NOL10: variants seen among roughly 807,000 people sequenced by gnomAD.
The protein encoded by NOL10 is nucleolar protein 10, also known as H_NH0074G24.1.
A neutral mutation model predicts 103.5 loss-of-function variants in NOL10; 58 were observed. That is an observed-to-expected ratio of 0.56 (90% CI 0.45 to 0.70). The LOEUF is 0.70. Among genes scored for constraint, NOL10 ranks in the 30% least tolerant of loss-of-function variants. The pLI is 0.00. For missense variants in NOL10, 763 were observed against 807.3 expected (o/e 0.95, Z 0.67); for synonymous variants, 287 against 282.5 (o/e 1.02, Z -0.16).
At chr2:10,667,620 C>CTA (rs1558339488) in intron 7 of NOL10, among the ~76,000 whole-genome samples, 2 of 152,324 alleles carry the variant, frequency 1.3e-5, no homozygotes, top group African/African-American at 4.8e-5. Flanking sequence ...AAAGAACACA[C>CTA]GCTATCACCA....
At chr2:10,619,045 A>G (rs1461029438) in intron 13 of NOL10, among the ~76,000 whole-genome samples, 1 of 152,264 alleles carries the variant, frequency 6.6e-6, no homozygotes, top group Non-Finnish European at 1.5e-5. Context: ...CAGGATTCAG[A>G]ACATGCAAGC....
chr2:10,659,639 T>C (rs1025703945), intron 9 of NOL10, among the ~76,000 whole-genome samples: 1 of 152,146 alleles, frequency 6.6e-6, no homozygotes, highest in Admixed American at 6.5e-5. Flanking sequence ...GCTGTGATCA[T>C]TCCACTGCGC....
chr2:10,577,489 T>A lies in NOL10; in HGVS notation c.1947+147A>T, dbSNP rs1166764790. On this transcript the variant is annotated intron_variant, in intron 20 of 20. Transcript: ENST00000381685. ...GCTCTTGGCCCACCAGGGGCTCTGG[T>A]TGCAAGGAAAATGTTAGAACAGGGA... 1.5e-5 allele frequency: 9 copies of A among 606,902 alleles called. No individual in the cohort carries two copies. The Admixed American group carries it at 2.0e-4, about 13-fold the overall frequency. 37.6% of individuals were successfully genotyped at this position (606,902 alleles called of 1,614,324 possible). A position where few individuals can be genotyped will look rare whatever the true frequency, so the allele number is the denominator to read the frequency against.
At position 10,588,774 on chromosome 2, in the gene NOL10, C is replaced by T. The variant is rs150850809; in HGVS notation, c.1844+269G>A. 1.6e-3 allele frequency among the ~76,000 whole-genome samples: 240 copies of T among 152,316 alleles called. 2 individuals are homozygous for T. Among genetic ancestry groups the T allele is most frequent in the African/African-American group, 5.7e-3 (237 of 41,568 alleles). On this transcript the variant is annotated intron_variant, in intron 19 of 20. Transcript: ENST00000381685. ...GCTCTCTCTACCCTGTATTTTACTGCATGTAAACTATACCTCAAAAAGTTG... is the reference window on the plus strand; with the variant it reads ...GCTCTCTCTACCCTGTATTTTACTGTATGTAAACTATACCTCAAAAAGTTG...
intron 13 of NOL10, among the ~76,000 whole-genome samples, chr2:10,641,572 T>G (rs1250597535): frequency 1.3e-5 from 2 of 152,238 alleles, no homozygotes; most frequent in African/African-American, 4.8e-5. Context: ...GATCATTTTA[T>G]AAAATGCAGA....
At chr2:10,581,105 T>C (rs961914284) in intron 19 of NOL10, among the ~76,000 whole-genome samples, 1 of 152,242 alleles carries the variant, frequency 6.6e-6, no homozygotes, top group Non-Finnish European at 1.5e-5. Flanking sequence ...AAAGGCCCTA[T>C]TTCAAGAGAC....
chr2:10,580,926 A>T (rs1284048905), intron 19 of NOL10, among the ~76,000 whole-genome samples: 1 of 152,216 alleles, frequency 6.6e-6, no homozygotes, highest in African/African-American at 2.4e-5. Flanking sequence ...CACCGGAGGG[A>T]ATAAACTAGA....
rs75426415 is a variant in NOL10, at chr2:10,659,353, G to A, written c.678-103C>T. On this transcript the variant is annotated intron_variant, in intron 9 of 20. Coordinates refer to ENST00000381685, the MANE Select transcript of NOL10 (RefSeq NM_024894.4). ...ACTTCAAATCTAATGGGGGGGGGGG[G>A]GAGGAATCACATTTCTAGGCTTCTG... 84 of 398,834 alleles carry A rather than the reference G, an allele frequency of 2.1e-4. 11 individuals carry two copies. Among genetic ancestry groups the A allele is most frequent in the Non-Finnish European group, 2.9e-4 (59 of 206,360 alleles). 24.7% of individuals were successfully genotyped at this position (398,834 alleles called of 1,614,324 possible).
At chr2:10,630,254 C>T (rs1035480496) in intron 13 of NOL10, among the ~76,000 whole-genome samples, 7 of 152,100 alleles carry the variant, frequency 4.6e-5, no homozygotes, top group African/African-American at 1.7e-4. Context: ...AACTAGTGTT[C>T]GGAGAGAATA....
chr2:10,577,744 G>A lies in NOL10; in HGVS notation c.1845-6C>T. On this transcript the variant is annotated splice_region_variant and splice_polypyrimidine_tract_variant and intron_variant, in intron 19 of 20. Coordinates refer to ENST00000381685, the MANE Select transcript of NOL10 (RefSeq NM_024894.4). ...AACGATCTTCAAGGGTTTTGCTATG[G>A]GAAATTCAAAAGAATGCCACATTAA... is the stretch of plus-strand genomic sequence containing the variant. 2 of 1,580,560 alleles carry A rather than the reference G, an allele frequency of 1.3e-6. No individual in the cohort carries two copies. Among genetic ancestry groups the A allele is most frequent in the East Asian group, 2.3e-5 (1 of 44,362 alleles).
intron 3 of NOL10, 41 bp downstream of exon 3, chr2:10,681,930 G>A: frequency 1.1e-6 from 1 of 884,144 alleles, no homozygotes; most frequent in Non-Finnish European, 1.6e-6. Context: ...AGCATTTCCT[G>A]GTACAAAATG....
chr2:10,594,538 A>G (rs1051314010), intron 17 of NOL10, among the ~76,000 whole-genome samples: 1 of 152,226 alleles, frequency 6.6e-6, no homozygotes, highest in African/African-American at 2.4e-5. Flanking sequence ...TAACCTATCT[A>G]AACACCTCAA....
At chr2:10,624,497 G>C (rs1171727840) in intron 13 of NOL10, among the ~76,000 whole-genome samples, 3 of 151,916 alleles carry the variant, frequency 2.0e-5, no homozygotes, top group Admixed American at 2.0e-4. Context: ...ACAGCGATAG[G>C]AAGACATGCC....
chr2:10,625,692 G>A (rs1235971035), intron 13 of NOL10, among the ~76,000 whole-genome samples: 1 of 152,010 alleles, frequency 6.6e-6, no homozygotes. Flanking sequence ...TAGTAATACA[G>A]TATAAGCCAA....
intron 1 of NOL10, among the ~76,000 whole-genome samples, chr2:10,687,454 C>CCCT (rs913414557): frequency 2.6e-5 from 4 of 152,150 alleles, no homozygotes; most frequent in Admixed American, 6.6e-5. Context: ...TGCTGGGTTC[C>CCCT]CCTCCTCTTC....
At chr2:10,607,534 C>T in intron 13 of NOL10, among the ~76,000 whole-genome samples, 1 of 152,048 alleles carries the variant, frequency 6.6e-6, no homozygotes, top group East Asian at 1.9e-4. Context: ...CTCACTTAGT[C>T]TAAGGTACAA....
chr2:10,686,639 G>A (rs559162196), intron 1 of NOL10, among the ~76,000 whole-genome samples: 104 of 152,328 alleles, frequency 6.8e-4, no homozygotes, highest in Non-Finnish European at 1.4e-3. Flanking sequence ...GCATAGTCAG[G>A]GGTGACAGTG....
intron 20 of NOL10, 86 bp downstream of exon 20, chr2:10,577,550 G>A: frequency 2.1e-6 from 2 of 930,654 alleles, no homozygotes; most frequent in Non-Finnish European, 3.3e-6. Flanking sequence ...GCATTGAGAA[G>A]GCTGCTCTGA....
At chr2:10,631,458 C>T (rs1050420707) in intron 13 of NOL10, among the ~76,000 whole-genome samples, 1 of 152,094 alleles carries the variant, frequency 6.6e-6, no homozygotes, top group Non-Finnish European at 1.5e-5. Context: ...AAGCTAAATG[C>T]CCTTGCTTTC....
Sources: gnomAD v4.1 joint callset for allele counts (sites outside exome capture counted in the v4.1 genomes callset) on GRCh38, gnomAD v4.1.1 for gene constraint, MANE v1.5 for transcripts, NCBI Gene and HGNC (gene_info 2026-07-23, HGNC 2026-07-21) for gene names.